Variants in RBFOX1 observed in about 807,000 individuals in gnomAD.
RBFOX1 encodes RNA binding protein fox-1 homolog 1.
RBFOX1 carries 8 observed loss-of-function variants against 57.7 expected under a neutral mutation model. The ratio of observed to expected loss-of-function variants is 0.14; its 90% confidence interval spans 0.08 to 0.25. The LOEUF is 0.25. RBFOX1 is among the 10% of genes least tolerant of loss of function. The pLI is 1.00. For missense variants in RBFOX1, 611 were observed against 548.5 expected, an observed-to-expected ratio of 1.11 and a Z score of -1.14; for synonymous variants, 326 against 222.4, an observed-to-expected ratio of 1.47 and a Z score of -4.15.
chr16:6,378,332 G>C (rs1044833881), intron 2 of RBFOX1, among the ~76,000 whole-genome samples: 2 of 152,198 alleles, frequency 1.3e-5, no homozygotes, highest in African/African-American at 4.8e-5. Flanking sequence ...ACAGAGAGAT[G>C]GTGACCCAGA....
chr16:7,270,207 G>A (rs1467510904), intron 4 of RBFOX1, among the ~76,000 whole-genome samples: 1 of 152,216 alleles, frequency 6.6e-6, no homozygotes, highest in Admixed American at 6.5e-5. Flanking sequence ...CCCCAGGCAG[G>A]AGCAGGAACC....
chr16:5,650,129 A>G (rs2049186196), intron 3 of RBFOX1, among the ~76,000 whole-genome samples: 1 of 152,172 alleles, frequency 6.6e-6, no homozygotes, highest in Non-Finnish European at 1.5e-5. Context: ...TGTGGTTTCG[A>G]CAGGGACTCA....
chr16:5,436,733 A>G (rs114772800), intron 1 of RBFOX1, among the ~76,000 whole-genome samples: 3,207 of 152,112 alleles, frequency 0.021, 123 homozygotes, highest in African/African-American at 0.074. Flanking sequence ...ACCTGTTTGA[A>G]AGGCTGAGGC....
intron 2 of RBFOX1, among the ~76,000 whole-genome samples, chr16:6,570,140 A>C (rs1208896040): frequency 1.3e-5 from 2 of 152,230 alleles, no homozygotes; most frequent in African/African-American, 4.8e-5. Flanking sequence ...AAATCTGACT[A>C]CACTAATTTC....
At chr16:7,029,773 C>T (rs940855436) in intron 3 of RBFOX1, among the ~76,000 whole-genome samples, 1 of 152,072 alleles carries the variant, frequency 6.6e-6, no homozygotes, top group African/African-American at 2.4e-5. Context: ...GATTAAAGTC[C>T]CATGTGATCT....
chr16:6,135,660 C>T (rs535197853), intron 1 of RBFOX1, among the ~76,000 whole-genome samples: 2 of 151,644 alleles, frequency 1.3e-5, no homozygotes, highest in South Asian at 4.2e-4. Flanking sequence ...AAACCATGAA[C>T]ACTAATAGTT....
intron 3 of RBFOX1, among the ~76,000 whole-genome samples, chr16:7,024,155 A>G (rs1597311007): frequency 6.6e-6 from 1 of 152,324 alleles, no homozygotes; most frequent in African/African-American, 2.4e-5. Flanking sequence ...TAAAGATTGT[A>G]AAAGCATCTA....
chr16:6,904,600 A>G (rs199513334), intron 3 of RBFOX1, among the ~76,000 whole-genome samples: 1,658 of 19,682 alleles, frequency 0.084, 13 homozygotes, highest in East Asian at 0.3. Context: ...GACTCTCTCT[A>G]AAAAAAAAAA....
chr16:6,556,485 C>T (rs968892289), intron 2 of RBFOX1, among the ~76,000 whole-genome samples: 1 of 152,160 alleles, frequency 6.6e-6, no homozygotes, highest in East Asian at 1.9e-4. Context: ...TCTGAGGTCT[C>T]ATTTGTTCCC....
chr16:6,842,349 C>G (rs1368687232), intron 3 of RBFOX1, among the ~76,000 whole-genome samples: 3 of 152,092 alleles, frequency 2.0e-5, no homozygotes, highest in East Asian at 1.9e-4. Flanking sequence ...TTTGGAAAGA[C>G]AAATACTTTG....
chr16:6,828,006 T>C (rs901172470), intron 3 of RBFOX1, among the ~76,000 whole-genome samples: 10 of 152,166 alleles, frequency 6.6e-5, no homozygotes, highest in African/African-American at 2.4e-4. Context: ...CTCATCAATT[T>C]TTCCCCAGCA....
chr16:6,274,584 C>A (rs1255721639), intron 1 of RBFOX1, among the ~76,000 whole-genome samples: 1 of 152,140 alleles, frequency 6.6e-6, no homozygotes. Flanking sequence ...CATGAAGGAT[C>A]TTTGTGCAAA....
chr16:5,556,540 A>G (rs2045683961), intron 2 of RBFOX1, among the ~76,000 whole-genome samples: 1 of 152,220 alleles, frequency 6.6e-6, no homozygotes, highest in African/African-American at 2.4e-5. Context: ...GTAGGAAGTG[A>G]CAGCTCTCCA....
Position 6,071,185 on chromosome 16 carries a change from G to A in RBFOX1, c.-127+51193G>A, listed in dbSNP as rs538152069. Reference sequence around the variant, plus strand: ...AAAAATACAAAAATTAGCGGGACGTGTGGCACATGCCTGTAGGACCAGCTG... The same window carrying A: ...AAAAATACAAAAATTAGCGGGACGTATGGCACATGCCTGTAGGACCAGCTG... On this transcript the variant is annotated intron_variant, in intron 1 of 15. Transcript: ENST00000550418. Among the ~76,000 whole-genome samples, 6 of 152,236 alleles carry A rather than the reference G, an allele frequency of 3.9e-5. No individual in the cohort carries two copies. The South Asian group carries it at 1.2e-3, about 32-fold the overall frequency.
intron 4 of RBFOX1, among the ~76,000 whole-genome samples, chr16:5,915,310 G>A (rs1274137051): frequency 6.6e-6 from 1 of 152,156 alleles, no homozygotes; most frequent in African/African-American, 2.4e-5. Context: ...GTAGAGTCAA[G>A]ATAATTCAAC....
chr16:7,073,882 T>C (rs1226586026), intron 4 of RBFOX1, among the ~76,000 whole-genome samples: 1 of 148,972 alleles, frequency 6.7e-6, no homozygotes, highest in Non-Finnish European at 1.5e-5. Flanking sequence ...AAATAAATAC[T>C]AGATGTGTAG....
At chr16:6,915,121 A>G (rs919486265) in intron 3 of RBFOX1, among the ~76,000 whole-genome samples, 49 of 152,168 alleles carry the variant, frequency 3.2e-4, no homozygotes, top group African/African-American at 1.1e-3. Flanking sequence ...CCTCCAGCTA[A>G]TCAGTGGCGG....
At chr16:7,521,325 C>T (rs1037333134) in intron 5 of RBFOX1, among the ~76,000 whole-genome samples, 3 of 152,126 alleles carry the variant, frequency 2.0e-5, no homozygotes, top group African/African-American at 7.2e-5. Context: ...ATCCTACAGA[C>T]CTGGTGGGTC....
chr16:5,460,184 C>T (rs189801255), intron 1 of RBFOX1, among the ~76,000 whole-genome samples: 2 of 152,286 alleles, frequency 1.3e-5, no homozygotes, highest in Non-Finnish European at 1.5e-5. Context: ...ATGAGAGACT[C>T]AGTGGACAAG....
Sources: gnomAD v4.1 joint callset for allele counts (sites outside exome capture counted in the v4.1 genomes callset) on GRCh38, gnomAD v4.1.1 for gene constraint, MANE v1.5 for transcripts, NCBI Gene and HGNC (gene_info 2026-07-23, HGNC 2026-07-21) for gene names.